The following TBC1D1 variants were observed in gnomAD, a reference collection of about 807,000 sequenced individuals.
TBC1D1 encodes the protein TBC1 domain family member 1, also known as TBC1 (tre-2/USP6, BUB2, cdc16) domain family, member 1.
TBC1D1 carries 89 observed loss-of-function variants against 125.6 expected under a neutral mutation model. That is an observed-to-expected ratio of 0.71 (90% CI 0.60 to 0.85). TBC1D1 has a LOEUF of 0.85. TBC1D1 is among the 40% of genes least tolerant of loss of function. TBC1D1 has a pLI of 0.00. For synonymous variants in TBC1D1, 565 were observed against 564.1 expected (o/e 1.00, Z -0.02); for missense variants, 1,377 against 1,469.2 (o/e 0.94, Z 1.03).
chr4:38,107,577 GTTTT>G (rs3038351), intron 15 of TBC1D1, among the ~76,000 whole-genome samples: 3 of 53,104 alleles, frequency 5.6e-5, no homozygotes, highest in Non-Finnish European at 9.4e-5. Context: ...GTCTAAACAG[GTTTT>G]TTTTTTTTTT....
At chr4:37,992,778 C>T (rs1736893608) in intron 2 of TBC1D1, among the ~76,000 whole-genome samples, 1 of 149,982 alleles carries the variant, frequency 6.7e-6, no homozygotes, top group East Asian at 2.0e-4. Flanking sequence ...CAGGTGTGAG[C>T]CACCATGCCT....
At chr4:38,039,319 G>T (rs576169962) in intron 8 of TBC1D1, among the ~76,000 whole-genome samples, 2 of 151,544 alleles carry the variant, frequency 1.3e-5, no homozygotes, top group African/African-American at 4.8e-5. Context: ...GGGTTTCACC[G>T]TGTTAGCCGT....
chr4:38,060,256 G>A (rs1364158460), intron 12 of TBC1D1, among the ~76,000 whole-genome samples: 1 of 152,164 alleles, frequency 6.6e-6, no homozygotes, highest in South Asian at 2.1e-4. Context: ...TGGGATTGCT[G>A]GGTCAAATGG....
intron 2 of TBC1D1, among the ~76,000 whole-genome samples, chr4:37,914,492 G>A (rs1719290543): frequency 6.6e-6 from 1 of 152,080 alleles, no homozygotes. Flanking sequence ...CTCCATTACA[G>A]AGCCCAAGCC....
intron 2 of TBC1D1, among the ~76,000 whole-genome samples, chr4:37,920,713 G>C (rs1006964855): frequency 6.6e-6 from 1 of 152,128 alleles, no homozygotes; most frequent in Non-Finnish European, 1.5e-5. Flanking sequence ...GGGAATGTGA[G>C]TGTTTTAAGA....
chr4:38,027,057 T>G (rs1745215718), intron 6 of TBC1D1, among the ~76,000 whole-genome samples: 1 of 152,240 alleles, frequency 6.6e-6, no homozygotes, highest in South Asian at 2.1e-4. Context: ...TATCATTTTC[T>G]GAGGAGAAGG....
At chr4:37,989,073 A>G (rs1736026802) in intron 2 of TBC1D1, among the ~76,000 whole-genome samples, 1 of 152,156 alleles carries the variant, frequency 6.6e-6, no homozygotes, top group Non-Finnish European at 1.5e-5. Context: ...TCTTATGGGG[A>G]AAATCTACTT....
At chr4:37,952,135 G>T (rs555089056) in intron 2 of TBC1D1, 1 of 714,294 alleles carries the variant, frequency 1.4e-6, no homozygotes, top group Non-Finnish European at 2.6e-6. Flanking sequence ...CTGCAGTCAT[G>T]ATGAACCCAG....
At chr4:37,960,356 T>G in intron 2 of TBC1D1, 1 of 1,286,144 alleles carries the variant, frequency 7.8e-7, no homozygotes, top group East Asian at 2.3e-5. Context: ...ATTTCCACTA[T>G]AGTTAACATT....
chr4:38,019,832 G>C (rs779497219), intron 4 of TBC1D1, among the ~76,000 whole-genome samples: 1 of 152,062 alleles, frequency 6.6e-6, no homozygotes, highest in Non-Finnish European at 1.5e-5. Flanking sequence ...TGTAATTTTT[G>C]ACTCTTTCTT....
At position 37,902,054 on chromosome 4, in the gene TBC1D1, A is replaced by G; in HGVS notation, c.-42A>G. 3 of 1,531,732 alleles carry G rather than the reference A, an allele frequency of 2.0e-6. No individual in the cohort carries two copies. The highest frequency in any genetic ancestry group is 2.6e-6 in the Non-Finnish European group (3 of 1,139,800). The allele number at this position is 1,531,732 out of a possible 1,614,324, so 94.9% of individuals were successfully genotyped here. A position where few individuals can be genotyped will look rare whatever the true frequency, so the allele number is the denominator to read the frequency against. Reference sequence around the variant, plus strand: ...AGATTGCTTGATCCAAAACAGAAAAACAGTGATAACTGTTTTGCTGAGTTC... The same window carrying G: ...AGATTGCTTGATCCAAAACAGAAAAGCAGTGATAACTGTTTTGCTGAGTTC... On this transcript the variant is annotated 5_prime_UTR_variant, in exon 2 of 20. Coordinates refer to ENST00000261439, the MANE Select transcript of TBC1D1 (RefSeq NM_015173.4).
intron 2 of TBC1D1, among the ~76,000 whole-genome samples, chr4:38,002,988 G>A (rs755457012): frequency 6.6e-6 from 1 of 152,214 alleles, no homozygotes; most frequent in African/African-American, 2.4e-5. Context: ...TAGCAAGGAA[G>A]TCCCTTCTGC....
intron 2 of TBC1D1, among the ~76,000 whole-genome samples, chr4:38,013,426 T>C (rs1418988360): frequency 6.6e-6 from 1 of 152,238 alleles, no homozygotes; most frequent in African/African-American, 2.4e-5. Flanking sequence ...TAAAAAGACA[T>C]AGGGCCTGTG....
intron 2 of TBC1D1, among the ~76,000 whole-genome samples, chr4:37,963,684 T>C (rs561204900): frequency 1.4e-3 from 212 of 152,306 alleles, no homozygotes; most frequent in African/African-American, 4.9e-3. Flanking sequence ...TGTACTTACG[T>C]ACAAAATATC....
At chr4:38,121,070 A>C (rs1763762745) in intron 17 of TBC1D1, among the ~76,000 whole-genome samples, 1 of 152,202 alleles carries the variant, frequency 6.6e-6, no homozygotes, top group African/African-American at 2.4e-5. Flanking sequence ...TGGCCAGGAA[A>C]ATCTCCAGCT....
intron 12 of TBC1D1, among the ~76,000 whole-genome samples, chr4:38,059,349 G>T (rs565973306): frequency 6.6e-6 from 1 of 152,142 alleles, no homozygotes; most frequent in Non-Finnish European, 1.5e-5. Context: ...AGTAGGTCAC[G>T]TGCACAGCAG....
At chr4:37,941,381 A>T (rs1045196400) in intron 2 of TBC1D1, among the ~76,000 whole-genome samples, 9 of 151,902 alleles carry the variant, frequency 5.9e-5, no homozygotes, top group African/African-American at 2.2e-4. Context: ...CCCCTCTATC[A>T]TTTTTTATTG....
At chr4:38,073,412 G>A (rs1235639666) in intron 12 of TBC1D1, among the ~76,000 whole-genome samples, 2 of 152,274 alleles carry the variant, frequency 1.3e-5, no homozygotes, top group Admixed American at 6.5e-5. Flanking sequence ...TAAAATAATG[G>A]CCATCCTAGT....
intron 5 of TBC1D1, 142 bp downstream of exon 5, chr4:38,020,837 G>A (rs1578301166): frequency 4.8e-6 from 3 of 618,772 alleles, no homozygotes; most frequent in East Asian, 6.2e-5. Context: ...TGACTATTTA[G>A]TAAGCAGCTA....
Sources: gnomAD v4.1 joint callset for allele counts (sites outside exome capture counted in the v4.1 genomes callset) on GRCh38, gnomAD v4.1.1 for gene constraint, MANE v1.5 for transcripts, NCBI Gene and HGNC (gene_info 2026-07-23, HGNC 2026-07-21) for gene names.